Variants in MRE11 observed in about 807,000 individuals in gnomAD.
MRE11 encodes the protein MRE11 double strand break repair nuclease.
MRE11 carries 62 observed loss-of-function variants against 91.7 expected under a neutral mutation model. That is an observed-to-expected ratio of 0.68 (90% CI 0.55 to 0.84). The LOEUF (loss-of-function observed/expected upper bound fraction) is 0.84. Among genes scored for constraint, MRE11 ranks in the 40% least tolerant of loss-of-function variants. The pLI is 0.00. For missense variants in MRE11, 796 were observed against 852.9 expected (o/e 0.93, Z 0.83); for synonymous variants, 273 against 271.4 (o/e 1.01, Z -0.06).
intron 18 of MRE11, among the ~76,000 whole-genome samples, chr11:94,435,371 A>G (rs1945577262): frequency 6.6e-6 from 1 of 152,122 alleles, no homozygotes. Flanking sequence ...CTTGGGCAAC[A>G]TGGCAAAACC....
chr11:94,422,581 A>C (rs957028924), intron 19 of MRE11, among the ~76,000 whole-genome samples: 3 of 152,220 alleles, frequency 2.0e-5, no homozygotes, highest in African/African-American at 7.2e-5. Context: ...TGGGCAAATA[A>C]GAACTGAGTG....
chr11:94,428,573 A>T (rs1945383060), intron 19 of MRE11, among the ~76,000 whole-genome samples: 1 of 152,172 alleles, frequency 6.6e-6, no homozygotes, highest in Non-Finnish European at 1.5e-5. Flanking sequence ...CTGCACAGTA[A>T]AACTATCAGG....
chr11:94,488,995 A>T (rs911215325), intron 3 of MRE11, among the ~76,000 whole-genome samples: 2 of 152,164 alleles, frequency 1.3e-5, no homozygotes, highest in Non-Finnish European at 2.9e-5. Context: ...TAAAATATGT[A>T]TACCCACTGC....
At chr11:94,441,317 A>G (rs907274662) in intron 16 of MRE11, among the ~76,000 whole-genome samples, 1 of 152,248 alleles carries the variant, frequency 6.6e-6, no homozygotes, top group African/African-American at 2.4e-5. Context: ...AGTACGTATC[A>G]AATGACTGGT....
chr11:94,446,022 A>G lies in MRE11; in HGVS notation c.1784-129T>C, dbSNP rs1334286302. On this transcript the variant is annotated intron_variant, in intron 15 of 19. Transcript: ENST00000323929. ...TGTCTGTAAAAAGCCAGACATATAT[A>G]TAAGAACAAACATCTAGAGTCTGAC... 4.1e-5 allele frequency: 29 copies of G among 714,566 alleles called. 1 individual carries two copies. In the East Asian group the frequency reaches 7.1e-4, roughly 17 times the overall value. 44.3% of individuals were successfully genotyped at this position (714,566 alleles called of 1,614,324 possible).
intron 18 of MRE11, among the ~76,000 whole-genome samples, chr11:94,431,167 T>G (rs902686066): frequency 6.6e-6 from 1 of 152,096 alleles, no homozygotes; most frequent in African/African-American, 2.4e-5. Flanking sequence ...GAAAAAAGAA[T>G]GAGAATCACG....
chr11:94,456,515 T>TAA (rs3832746), intron 13 of MRE11, among the ~76,000 whole-genome samples, 177 bp from the exon 14 acceptor site: 1 of 149,728 alleles, frequency 6.7e-6, no homozygotes. Flanking sequence ...AATGTACTCT[T>TAA]AAAAAAAAAA....
intron 14 of MRE11, among the ~76,000 whole-genome samples, chr11:94,454,705 C>T (rs942981985): frequency 7.2e-5 from 11 of 152,060 alleles, no homozygotes; most frequent in Non-Finnish European, 2.9e-5. Flanking sequence ...ACAGCCTCTC[C>T]CACCTTCCTT....
chr11:94,512,076 G>A, the MRE11 span, among the ~76,000 whole-genome samples: 1 of 152,218 alleles, frequency 6.6e-6, no homozygotes, highest in East Asian at 1.9e-4. Context: ...CAGCGACGGT[G>A]CCTTGCACTC....
At chr11:94,463,987 T>C (rs1046168917) in intron 11 of MRE11, 126 bp downstream of exon 11, 4 of 1,031,222 alleles carry the variant, frequency 3.9e-6, no homozygotes, top group Middle Eastern at 3.2e-4. Flanking sequence ...ATTCCCACTG[T>C]CAATTTGTTT....
chr11:94,498,556 T>G (rs374972821), upstream of MRE11: 292 of 1,575,046 alleles, frequency 1.9e-4, 1 homozygote, highest in Non-Finnish European at 2.4e-4. Context: ...TTTCCTAAGT[T>G]TCTAAATACC....
chr11:94,477,589 A>G (rs181750210), intron 6 of MRE11, among the ~76,000 whole-genome samples: 2 of 152,312 alleles, frequency 1.3e-5, no homozygotes, highest in Admixed American at 1.3e-4. Flanking sequence ...GGAGAATGCT[A>G]CAGGAGTGGC....
At chr11:94,473,221 T>C (rs1224654811) in intron 7 of MRE11, 1 of 152,098 alleles carries the variant, frequency 6.6e-6, no homozygotes, top group East Asian at 1.9e-4. Flanking sequence ...TCCAGGAATG[T>C]TTTTATGTAA....
chr11:94,439,193 A>C (rs1442087420), intron 16 of MRE11, among the ~76,000 whole-genome samples: 1 of 152,170 alleles, frequency 6.6e-6, no homozygotes, highest in Non-Finnish European at 1.5e-5. Context: ...TAAAACAGAG[A>C]TCTAGAAGTT....
chr11:94,473,148 C>T (rs1454437096), intron 7 of MRE11: 2 of 151,958 alleles, frequency 1.3e-5, no homozygotes, highest in African/African-American at 2.4e-5. Flanking sequence ...CAAGGAACAG[C>T]AAGGAGAACA....
chr11:94,475,385 TC>T (rs1946825197), intron 7 of MRE11: 1 of 308,762 alleles, frequency 3.2e-6, no homozygotes, highest in African/African-American at 2.2e-5. Context: ...GATTTCAGCA[TC>T]CCAGGATTTT....
chr11:94,461,506 C>G (rs1442532090), intron 11 of MRE11, among the ~76,000 whole-genome samples: 1 of 152,100 alleles, frequency 6.6e-6, no homozygotes, highest in Non-Finnish European at 1.5e-5. Flanking sequence ...AAACCCACAA[C>G]CAATATCATA....
intron 16 of MRE11, among the ~76,000 whole-genome samples, chr11:94,439,138 G>T (rs1250370214): frequency 6.6e-6 from 1 of 152,080 alleles, no homozygotes; most frequent in Non-Finnish European, 1.5e-5. Flanking sequence ...CATGGACCTT[G>T]TTATAAGAGA....
In MRE11 at chr11:94,478,735, C is replaced by T. The variant is rs1446077946; in HGVS notation, c.544G>A (p.Gly182Arg). 7 of 1,611,940 alleles carry T rather than the reference C, an allele frequency of 4.3e-6. No homozygotes were observed. Among genetic ancestry groups the T allele is most frequent in the Non-Finnish European group, 5.9e-6 (7 of 1,179,680 alleles). ...AAACAGTAAAATAAAACTGTCTTAC[C>T]TAAACCATATAGCGCAATCTTTGTG... is the stretch of plus-strand genomic sequence containing the variant. ...GSTKIALYGLGSIPDERLYRM... is the reference protein window; with the variant it reads ...GSTKIALYGLRSIPDERLYRM... Residue 182 changes from glycine to arginine, a missense_variant and splice_region_variant, in exon 6 of 20, where the codon GGA (glycine) becomes AGA (arginine). Coordinates refer to ENST00000323929, the MANE Select transcript of MRE11 (RefSeq NM_005591.4).
Sources: gnomAD v4.1 joint callset for allele counts (sites outside exome capture counted in the v4.1 genomes callset) on GRCh38, gnomAD v4.1.1 for gene constraint, MANE v1.5 for transcripts, NCBI Gene and HGNC (gene_info 2026-07-23, HGNC 2026-07-21) for gene names.